CCND2: variants seen among roughly 807,000 people sequenced by gnomAD.
CCND2 encodes the protein G1/S-specific cyclin-D2.
A neutral mutation model predicts 30.2 loss-of-function variants in CCND2; 6 were observed. That is an observed-to-expected ratio of 0.20 (90% CI 0.11 to 0.39). CCND2 has a LOEUF of 0.39. Ranked by LOEUF, CCND2 falls within the 10% of genes least tolerant of loss-of-function variation. The probability of loss-of-function intolerance (pLI) is 1.00; values close to 1 mark genes in which losing one functional copy is unlikely to be tolerated. For missense variants in CCND2, 235 were observed against 373.4 expected (o/e 0.63, Z 3.06); for synonymous variants, 150 against 153.1 (o/e 0.98, Z 0.15).
rs542849143 is a variant in CCND2 at position 4,294,280 on chromosome 12, C to T, written c.720+5290C>T. ...CTCCAGGCTTGGGGGCGGGGGCAGC[C>T]AGGAGGGAAGGGGGCAAGGGAGGGG... On this transcript the variant is annotated intron_variant, in intron 4 of 4. Coordinates refer to ENST00000261254, the MANE Select transcript of CCND2 (RefSeq NM_001759.4). 5.8e-4 allele frequency among the ~76,000 whole-genome samples: 86 copies of T among 149,218 alleles called. 1 individual carries two copies. The highest frequency in any genetic ancestry group is 1.1e-3 in the Non-Finnish European group (76 of 67,162).
In CCND2 at chr12:4,287,262, G is replaced by C. The variant is rs921575695; in HGVS notation, c.572-1580G>C. 2.6e-5 allele frequency among the ~76,000 whole-genome samples: 4 copies of C among 152,196 alleles called. No individual in the cohort carries two copies. The highest frequency in any genetic ancestry group is 5.9e-5 in the Non-Finnish European group (4 of 68,032). On this transcript the variant is annotated intron_variant, in intron 3 of 4. Coordinates refer to ENST00000261254, the MANE Select transcript of CCND2 (RefSeq NM_001759.4). This position sits in a 1 kb window ranked among gnomAD's most constrained non-coding sequence, Gnocchi z 4.0. ...GGAGGGGAGGGCTGTGCTTGGCTCA[G>C]GGATCCACGGTGTCTAACAATGCTG...
rs777159091 is a variant in CCND2, at chr12:4,300,702, T to C, written c.*693T>C. 9.4e-5 allele frequency: 22 copies of C among 233,636 alleles called. No homozygotes were observed. Among genetic ancestry groups the C allele is most frequent in the Admixed American group, 1.1e-4 (2 of 17,774 alleles). 14.5% of individuals were successfully genotyped at this position (233,636 alleles called of 1,614,324 possible). Reference sequence around the variant, plus strand: ...ATTGGCTCCTGGGTTTCATGTTCTGTGACATCCTGCTTCTTCTTCCAAATG... The same window carrying C: ...ATTGGCTCCTGGGTTTCATGTTCTGCGACATCCTGCTTCTTCTTCCAAATG... On this transcript the variant is annotated 3_prime_UTR_variant, in exon 5 of 5. Transcript: ENST00000261254.
chr12:4,296,688 T>A (rs1484741952), intron 4 of CCND2, among the ~76,000 whole-genome samples: 2 of 129,416 alleles, frequency 1.5e-5, no homozygotes, highest in Non-Finnish European at 3.3e-5. Flanking sequence ...TCCGATTTAG[T>A]CCCTCTGCCT....
intron 3 of CCND2, among the ~76,000 whole-genome samples, chr12:4,279,599 G>A (rs956572874): frequency 3.2e-4 from 46 of 144,072 alleles, no homozygotes; most frequent in African/African-American, 1.1e-3. Context: ...CGCCTACCAC[G>A]TGGATCCCAC....
At chr12:4,280,896 G>C (rs1863939604) in intron 3 of CCND2, among the ~76,000 whole-genome samples, 1 of 152,244 alleles carries the variant, frequency 6.6e-6, no homozygotes, top group African/African-American at 2.4e-5. Context: ...GGTGTGGGCA[G>C]ATCCCCAGAT....
intron 4 of CCND2, among the ~76,000 whole-genome samples, chr12:4,298,460 C>T (rs1344784759): frequency 6.6e-6 from 1 of 152,148 alleles, no homozygotes; most frequent in Non-Finnish European, 1.5e-5. Context: ...GTTGTCCAGG[C>T]TGGTATCGAA....
chr12:4,288,961 C>G lies in CCND2; in HGVS notation c.691C>G (p.Leu231Val), dbSNP rs759408487. The G allele has an allele frequency of 2.5e-6, 4 of 1,613,544 alleles. No individual in the cohort carries two copies. The highest frequency in any genetic ancestry group is 3.4e-6 in the Non-Finnish European group (4 of 1,179,720). The change falls in exon 4 of 5, where the codon CTG becomes GTG. Residue 231 changes from leucine (L) to valine (V), a missense_variant. Physicochemically the swap from Leu to Val is conservative, Grantham distance 32 (BLOSUM62 1). Transcript: ENST00000261254. ...SSLTCDALTE[L>V]LAKITNTDVD... ...GCTCACTTGTGATGCCCTGACTGAG[C>G]TGCTGGCTAAGATCACCAACACAGA... is the stretch of plus-strand genomic sequence containing the variant.
chr12:4,297,015 G>T (rs1334024251), intron 4 of CCND2, among the ~76,000 whole-genome samples: 1 of 152,114 alleles, frequency 6.6e-6, no homozygotes, highest in Admixed American at 6.5e-5. Context: ...TGGCATTTAA[G>T]TGAACTCCTT....
At chr12:4,281,011 C>T (rs868691753) in intron 3 of CCND2, among the ~76,000 whole-genome samples, 1 of 152,162 alleles carries the variant, frequency 6.6e-6, no homozygotes, top group South Asian at 2.1e-4. Context: ...GAGTAGGGAG[C>T]CTGGGATTCA....
At chr12:4,281,512 C>T (rs554661687) in intron 3 of CCND2, among the ~76,000 whole-genome samples, 39 of 152,194 alleles carry the variant, frequency 2.6e-4, no homozygotes, top group African/African-American at 9.2e-4. Context: ...CTGTTGCCCT[C>T]ACCTGCTCCT....
intron 2 of CCND2, among the ~76,000 whole-genome samples, chr12:4,277,189 A>C (rs1341500534): frequency 6.6e-6 from 1 of 152,012 alleles, no homozygotes; most frequent in African/African-American, 2.4e-5. Context: ...GAATGACTTC[A>C]CCTTTGAACC....
At position 4,304,134 on chromosome 12, in the gene CCND2, C is replaced by T. The variant is rs1412817815; in HGVS notation, c.*4125C>T. On this transcript the variant is annotated 3_prime_UTR_variant, in exon 5 of 5. Coordinates refer to ENST00000261254, the MANE Select transcript of CCND2 (RefSeq NM_001759.4). This position sits in a 1 kb window ranked among gnomAD's most constrained non-coding sequence, Gnocchi z 6.2. ...GGCAGGGGAATTTTCTCTCCATGGG[C>T]CACAGGGGACAGGGCTGGGAGAAGA... 4.3e-6 allele frequency: 1 copy of T among 233,244 alleles called. No individual in the cohort carries two copies. Among genetic ancestry groups the T allele is most frequent in the African/African-American group, 2.2e-5 (1 of 45,318 alleles). 14.4% of individuals were successfully genotyped at this position (233,244 alleles called of 1,614,324 possible). A position where few individuals can be genotyped will look rare whatever the true frequency, so the allele number is the denominator to read the frequency against.
intron 4 of CCND2, among the ~76,000 whole-genome samples, chr12:4,289,460 G>T (rs3217858): frequency 0.018 from 2,758 of 152,252 alleles, 42 homozygotes; most frequent in Non-Finnish European, 0.025. Context: ...AACGGTGTCC[G>T]TCCCTGGCAA....
chr12:4,288,592 T>C (rs757708597), intron 3 of CCND2, among the ~76,000 whole-genome samples: 2 of 152,178 alleles, frequency 1.3e-5, no homozygotes, highest in African/African-American at 2.4e-5. Flanking sequence ...TGTGCATTCA[T>C]TGTGTGCGCT....
Position 4,285,550 on chromosome 12 carries a change from C to A in CCND2, c.572-3292C>A. 1 of 371,762 alleles carries A rather than the reference C, an allele frequency of 2.7e-6. No individual in the cohort carries two copies. Among genetic ancestry groups the A allele is most frequent in the Non-Finnish European group, 3.7e-6 (1 of 269,010 alleles). The allele number at this position is 371,762 out of a possible 1,614,324, so 23.0% of individuals were successfully genotyped here. A position where few individuals can be genotyped will look rare whatever the true frequency, so the allele number is the denominator to read the frequency against. The stretch of plus-strand genomic sequence containing the variant: ...TGCATCCTTCCAGTTCATCCATAGG[C>A]ATATATGTATGTATTTACCCATGGT... On this transcript the variant is annotated intron_variant, in intron 3 of 4. Coordinates refer to ENST00000261254, the MANE Select transcript of CCND2 (RefSeq NM_001759.4). The surrounding 1 kb of genome is among the most constrained non-coding windows in gnomAD (Gnocchi z 4.1).
intron 4 of CCND2, chr12:4,297,925 C>T: frequency 2.7e-6 from 1 of 371,018 alleles, no homozygotes; most frequent in Admixed American, 3.0e-5. Context: ...GTTCAGCACT[C>T]TTCCCAGACA....
chr12:4,294,629 T>C (rs1378840108), intron 4 of CCND2, among the ~76,000 whole-genome samples: 1 of 152,202 alleles, frequency 6.6e-6, no homozygotes, highest in African/African-American at 2.4e-5. Context: ...AAAGGAGTTC[T>C]GAAATTGGAG....
chr12:4,280,311 C>G (rs1055159948), intron 3 of CCND2, among the ~76,000 whole-genome samples: 3 of 152,364 alleles, frequency 2.0e-5, no homozygotes, highest in South Asian at 4.1e-4. Context: ...GCTGCCCTTA[C>G]GTGTTTCTAG....
chr12:4,296,799 G>A (rs1002403621), intron 4 of CCND2, among the ~76,000 whole-genome samples: 1 of 152,028 alleles, frequency 6.6e-6, no homozygotes, highest in South Asian at 2.1e-4. Flanking sequence ...TGGATTCAAT[G>A]GATTCTTCTT....
Sources: allele counts gnomAD v4.1 joint callset (sites outside exome capture counted in the v4.1 genomes callset), GRCh38; gene constraint gnomAD v4.1.1; non-coding constraint Gnocchi (gnomAD v3.1); transcripts MANE v1.5; gene names NCBI Gene and HGNC (gene_info 2026-07-23, HGNC 2026-07-21).